The following PCSK5 variants were observed in gnomAD, a reference collection of about 807,000 sequenced individuals.
PCSK5 encodes prohormone convertase 5.
Under a neutral mutation model 233.2 loss-of-function variants are expected in PCSK5, and 129 were observed. The observed-to-expected ratio is 0.55, with a 90% CI of 0.48 to 0.64. The LOEUF is 0.64. Ranked by LOEUF, PCSK5 falls within the 30% of genes least tolerant of loss-of-function variation. The probability of loss-of-function intolerance (pLI) is 0.00; values close to 1 mark genes in which losing one functional copy is unlikely to be tolerated. For missense variants in PCSK5, 2,076 were observed against 2,430.1 expected (o/e 0.85, Z 3.06); for synonymous variants, 825 against 879.2 (o/e 0.94, Z 1.09).
At chr9:76,162,875 T>C (rs1587704356) in intron 12 of PCSK5, among the ~76,000 whole-genome samples, 1 of 152,188 alleles carries the variant, frequency 6.6e-6, no homozygotes, top group East Asian at 1.9e-4. Flanking sequence ...TTAACTAGCC[T>C]GGCAGCCAAC....
chr9:76,048,112 C>A (rs2131550321), intron 5 of PCSK5, among the ~76,000 whole-genome samples: 1 of 152,220 alleles, frequency 6.6e-6, no homozygotes, highest in South Asian at 2.1e-4. Context: ...TTCAACATGG[C>A]TTTGAGTGTG....
At chr9:76,059,175 T>G (rs559491427) in intron 5 of PCSK5, among the ~76,000 whole-genome samples, 2 of 152,188 alleles carry the variant, frequency 1.3e-5, no homozygotes, top group South Asian at 2.1e-4. Context: ...ACCATTAAGG[T>G]GATATGAGAA....
chr9:76,316,797 A>G (rs573221977), intron 30 of PCSK5, among the ~76,000 whole-genome samples: 1 of 151,298 alleles, frequency 6.6e-6, no homozygotes, highest in East Asian at 1.9e-4. Context: ...AATGCACTAA[A>G]TTTCCTTAAT....
At position 76,350,834 on chromosome 9, in the gene PCSK5, G is replaced by A. The variant is rs1360127953; in HGVS notation, c.4973G>A (p.Gly1658Glu). The A allele has an allele frequency of 1.9e-6, 3 of 1,585,054 alleles. No homozygotes were observed. Among genetic ancestry groups the A allele is most frequent in the Admixed American group, 1.7e-5 (1 of 59,532 alleles). The change falls in exon 36 of 38, where the codon GGA becomes GAA. Residue 1658 changes from glycine (G) to glutamate (E), a missense_variant. Transcript: ENST00000674117. The stretch of plus-strand genomic sequence containing the variant: ...AGAATGTTTTCTCTTTCAGGAAAAG[G>A]AGCGTTGAATTGTTTATCCTGTGTG... The part of the protein sequence containing the change: ...HPTCDQCKGK[G>E]ALNCLSCVWS...
intron 24 of PCSK5, among the ~76,000 whole-genome samples, chr9:76,279,879 TG>T (rs1241812657): frequency 6.6e-6 from 1 of 151,808 alleles, no homozygotes; most frequent in African/African-American, 2.4e-5. Context: ...TTCACTCTGA[TG>T]GTAGTTTCTT....
At chr9:76,258,739 C>T (rs116594193) in intron 24 of PCSK5, among the ~76,000 whole-genome samples, 2,107 of 152,240 alleles carry the variant, frequency 0.014, 40 homozygotes, top group African/African-American at 0.048. Flanking sequence ...GGCAAAGGAG[C>T]AACTGGAAAG....
At position 76,289,499 on chromosome 9, in the gene PCSK5, AC is replaced by A. The variant is rs1235215116; in HGVS notation, c.3143-2733del. 6.9e-3 allele frequency among the ~76,000 whole-genome samples: 893 copies of A among 128,950 alleles called. 3 individuals are homozygous for A. The highest frequency in any genetic ancestry group is 8.8e-3 in the Non-Finnish European group (535 of 60,762). 84.6% of individuals were successfully genotyped at this position (128,950 alleles called of 152,430 possible). A position where few individuals can be genotyped will look rare whatever the true frequency, so the allele number is the denominator to read the frequency against. On this transcript the variant is annotated intron_variant, in intron 24 of 37. Coordinates refer to ENST00000674117, the MANE Select transcript of PCSK5 (RefSeq NM_001372043.1). Reference sequence around the variant, plus strand: ...CACACACACACACACACACACACACACACACACACACGCAACATACACACAC... The same window carrying A: ...CACACACACACACACACACACACACAACACACACACGCAACATACACACAC...
intron 36 of PCSK5, among the ~76,000 whole-genome samples, chr9:76,351,714 C>T (rs1213095014): frequency 6.6e-6 from 1 of 151,368 alleles, no homozygotes; most frequent in Non-Finnish European, 1.5e-5. Flanking sequence ...GATTCATTTG[C>T]CATGGATTTT....
At chr9:76,096,680 C>T (rs1322204273) in intron 8 of PCSK5, among the ~76,000 whole-genome samples, 1 of 151,168 alleles carries the variant, frequency 6.6e-6, no homozygotes, top group Non-Finnish European at 1.5e-5. Flanking sequence ...CAGCTCACTG[C>T]AACCTCCACC....
In PCSK5 at chr9:76,083,675, C is replaced by T. The variant is rs115669390; in HGVS notation, c.894+11777C>T. Among the ~76,000 whole-genome samples, 1,379 of 152,298 alleles carry T rather than the reference C, an allele frequency of 9.1e-3. 14 individuals are homozygous for T. The highest frequency in any genetic ancestry group is 0.031 in the African/African-American group (1,296 of 41,558). Reference sequence around the variant, plus strand: ...TATTTTCCCTTCCCATCATCAAATGCCTTTTCAATTCACCAGATTTAAAAA... The same window carrying T: ...TATTTTCCCTTCCCATCATCAAATGTCTTTTCAATTCACCAGATTTAAAAA... On this transcript the variant is annotated intron_variant, in intron 7 of 37. Transcript: ENST00000674117.
At chr9:76,216,832 A>G (rs1484677006) in intron 20 of PCSK5, among the ~76,000 whole-genome samples, 1 of 152,270 alleles carries the variant, frequency 6.6e-6, no homozygotes, top group Non-Finnish European at 1.5e-5. Flanking sequence ...GTGTATACTT[A>G]CTACGCATTT....
intron 23 of PCSK5, among the ~76,000 whole-genome samples, chr9:76,239,662 C>T (rs1170608051): frequency 6.8e-6 from 1 of 146,404 alleles, no homozygotes; most frequent in African/African-American, 2.5e-5. Flanking sequence ...CACCACCGCA[C>T]TCCAGCCTGG....
intron 20 of PCSK5, among the ~76,000 whole-genome samples, chr9:76,212,981 C>T (rs1406277253): frequency 3.9e-5 from 6 of 152,230 alleles, no homozygotes; most frequent in Admixed American, 2.0e-4. Context: ...TCTGCCCCTC[C>T]TATATGTGAC....
intron 34 of PCSK5, among the ~76,000 whole-genome samples, chr9:76,334,257 A>G (rs1829616249): frequency 6.6e-6 from 1 of 152,198 alleles, no homozygotes; most frequent in South Asian, 2.1e-4. Flanking sequence ...TGGGAGTACA[A>G]TTCAAGATGA....
intron 2 of PCSK5, among the ~76,000 whole-genome samples, chr9:75,969,730 T>A (rs1825738356): frequency 6.6e-6 from 1 of 152,172 alleles, no homozygotes; most frequent in African/African-American, 2.4e-5. Context: ...TGCTGAGTAT[T>A]TGACATGAAT....
chr9:76,064,887 A>G (rs929399125), intron 5 of PCSK5, among the ~76,000 whole-genome samples: 2 of 152,164 alleles, frequency 1.3e-5, no homozygotes, highest in African/African-American at 2.4e-5. Context: ...CAGTCTCCCT[A>G]TCTTGCCTAG....
chr9:76,321,105 C>T (rs1356561786), intron 30 of PCSK5, among the ~76,000 whole-genome samples: 3 of 131,998 alleles, frequency 2.3e-5, no homozygotes, highest in South Asian at 2.4e-4. Context: ...TGAGCCACCA[C>T]ACCCGGCCAG....
At chr9:76,138,245 C>T (rs2131758909) in intron 10 of PCSK5, among the ~76,000 whole-genome samples, 1 of 152,092 alleles carries the variant, frequency 6.6e-6, no homozygotes, top group South Asian at 2.1e-4. Flanking sequence ...TTTCTTTAGT[C>T]AAGCCCCGAC....
chr9:76,072,759 A>G (rs747264409), intron 7 of PCSK5, among the ~76,000 whole-genome samples: 4 of 152,028 alleles, frequency 2.6e-5, no homozygotes, highest in Non-Finnish European at 5.9e-5. Context: ...CCTCCTGCAT[A>G]GCTCCCGTGC....
Sources: allele counts gnomAD v4.1 joint callset (sites outside exome capture counted in the v4.1 genomes callset), GRCh38; gene constraint gnomAD v4.1.1; transcripts MANE v1.5; gene names NCBI Gene and HGNC (gene_info 2026-07-23, HGNC 2026-07-21).